Variants in DNAH9 observed in about 807,000 individuals in gnomAD.
DNAH9 encodes DNAH9 variant protein.
A neutral mutation model predicts 471.6 loss-of-function variants in DNAH9; 345 were observed. The observed-to-expected ratio is 0.73, with a 90% confidence interval of 0.67 to 0.80. DNAH9 has a LOEUF of 0.80. DNAH9 is among the 30% of genes least tolerant of loss of function. DNAH9 has a pLI of 0.00. For missense variants in DNAH9, 5,407 were observed against 5,609.2 expected (o/e 0.96, Z 1.15); for synonymous variants, 2,093 against 2,123.6 (o/e 0.99, Z 0.40).
At position 11,797,636 on chromosome 17, in the gene DNAH9, C is replaced by T; in HGVS notation, c.8263C>T (p.Leu2755=). The part of the protein sequence containing the change: ...DPVEQTQSPN[L]YCHFANGIGE... Reference sequence around the variant, plus strand: ...TGTGGAGCAGACCCAAAGCCCGAACCTGTATTGTCACTTTGCAAATGGTAT... The same window carrying T: ...TGTGGAGCAGACCCAAAGCCCGAACTTGTATTGTCACTTTGCAAATGGTAT... The change falls in exon 43 of 69, where the codon CTG becomes TTG. Residue 2755 remains leucine (L), a synonymous_variant. Coordinates refer to ENST00000262442, the MANE Select transcript of DNAH9 (RefSeq NM_001372.4). The T allele has an allele frequency of 6.2e-7, 1 of 1,614,040 alleles. No homozygotes were observed. The highest frequency in any genetic ancestry group is 8.5e-7 in the Non-Finnish European group (1 of 1,179,992).
chr17:11,727,763 A>T (rs2075180994), intron 27 of DNAH9, 55 bp from the exon 28 acceptor site: 2 of 1,198,822 alleles, frequency 1.7e-6, no homozygotes, highest in Admixed American at 3.4e-5. Flanking sequence ...TGGCTTCAAC[A>T]TGTATTGATA....
intron 63 of DNAH9, among the ~76,000 whole-genome samples, chr17:11,930,354 C>G (rs1974467790): frequency 6.6e-6 from 1 of 152,108 alleles, no homozygotes; most frequent in African/African-American, 2.4e-5. Flanking sequence ...TTTACTGTTA[C>G]CTAATATTCC....
At chr17:11,891,224 T>A (rs1169433793) in intron 57 of DNAH9, among the ~76,000 whole-genome samples, 1 of 152,210 alleles carries the variant, frequency 6.6e-6, no homozygotes, top group Non-Finnish European at 1.5e-5. Context: ...TTGCAAGGAC[T>A]CGTCTTATCA....
In DNAH9 at chr17:11,605,976, A is replaced by T. The variant is rs577190592; in HGVS notation, c.418-2153A>T. ...AGATCCTGGAGAGAACTCTGACTAT[A>T]TAAAAATTAAATAAGATAGAGTCCC... On this transcript the variant is annotated intron_variant, in intron 1 of 68. Transcript: ENST00000262442. 2.7e-4 allele frequency among the ~76,000 whole-genome samples: 40 copies of T among 149,500 alleles called. 1 individual carries two copies. The highest frequency in any genetic ancestry group is 9.3e-4 in the African/African-American group (38 of 40,990).
Position 11,623,034 on chromosome 17 carries a change from C to T in DNAH9, c.1350+3253C>T, listed in dbSNP as rs999440041. On this transcript the variant is annotated intron_variant, in intron 6 of 68. Transcript: ENST00000262442. This position sits in a 1 kb window ranked among gnomAD's most constrained non-coding sequence, Gnocchi z 4.1. ...TGTTGCCCAGGCTGGAGTGCAGTGG[C>T]ACAATCTCGGCTCACGACAACCTCT... is the stretch of plus-strand genomic sequence containing the variant. 4.8e-5 allele frequency among the ~76,000 whole-genome samples: 7 copies of T among 146,442 alleles called. No individual in the cohort carries two copies. The highest frequency in any genetic ancestry group is 1.0e-4 in the Non-Finnish European group (7 of 67,252).
intron 27 of DNAH9, among the ~76,000 whole-genome samples, chr17:11,726,137 C>T (rs1054147895): frequency 2.6e-5 from 4 of 152,048 alleles, no homozygotes; most frequent in Non-Finnish European, 5.9e-5. Context: ...AAGCCTTACC[C>T]CTTCCATTCT....
intron 22 of DNAH9, among the ~76,000 whole-genome samples, 165 bp downstream of exon 22, chr17:11,694,612 T>TGC (rs1358185053): frequency 0.29 from 3,008 of 10,342 alleles, 878 homozygotes; most frequent in Non-Finnish European, 0.56. Flanking sequence ...CTTTCTTGCT[T>TGC]TCTTGCTTTC....
intron 52 of DNAH9, among the ~76,000 whole-genome samples, chr17:11,874,364 A>G (rs1972393548): frequency 6.6e-6 from 1 of 152,170 alleles, no homozygotes; most frequent in African/African-American, 2.4e-5. Flanking sequence ...AAGTTCTCAG[A>G]CTGATAAATA....
At chr17:11,812,686 C>T (rs1369313125) in intron 45 of DNAH9, among the ~76,000 whole-genome samples, 2 of 152,078 alleles carry the variant, frequency 1.3e-5, no homozygotes, top group Non-Finnish European at 2.9e-5. Flanking sequence ...ACCCTCATTC[C>T]CTTCCCTCCC....
At chr17:11,743,976 C>A (rs1453619220) in intron 30 of DNAH9, among the ~76,000 whole-genome samples, 1 of 151,880 alleles carries the variant, frequency 6.6e-6, no homozygotes, top group Non-Finnish European at 1.5e-5. Context: ...ATAACAGGCA[C>A]CCACCACCAA....
At chr17:11,613,162 A>G (rs1228052340) in intron 4 of DNAH9, among the ~76,000 whole-genome samples, 1 of 152,216 alleles carries the variant, frequency 6.6e-6, no homozygotes, top group Non-Finnish European at 1.5e-5. Context: ...GCTTGGGACC[A>G]AGTGTCTCTT....
rs140395355 is a variant in DNAH9, at chr17:11,752,853, C to T, written c.6631C>T (p.Arg2211Trp). 1.1e-5 allele frequency: 18 copies of T among 1,600,540 alleles called. No individual in the cohort carries two copies. The highest frequency in any genetic ancestry group is 9.0e-5 in the East Asian group (4 of 44,664). The change falls in exon 33 of 69, where the codon CGG (arginine) becomes TGG (tryptophan). Residue 2211 changes from arginine to tryptophan, a missense_variant. By Grantham distance (101) the Arg-to-Trp change is moderately radical. This residue lies in a region of DNAH9 where 4,636 missense variants were observed against 4,900.3 expected (regional missense o/e 0.95). Coordinates refer to ENST00000262442, the MANE Select transcript of DNAH9 (RefSeq NM_001372.4). ...TTTAGGATTGTTCTCTTCCATCATGCGGGAGCTTGCCAACATCACCCATGA... is the reference window on the plus strand; with the variant it reads ...TTTAGGATTGTTCTCTTCCATCATGTGGGAGCTTGCCAACATCACCCATGA... The part of the protein sequence containing the change: ...WKDGLFSSIM[R>W]ELANITHDGP...
At chr17:11,955,236 A>G (rs1308835609) in intron 67 of DNAH9, among the ~76,000 whole-genome samples, 1 of 152,078 alleles carries the variant, frequency 6.6e-6, no homozygotes, top group Non-Finnish European at 1.5e-5. Context: ...TACATTGTCT[A>G]TGGCTATTTT....
At chr17:11,641,433 C>T (rs1193717822) in intron 10 of DNAH9, among the ~76,000 whole-genome samples, 4 of 152,068 alleles carry the variant, frequency 2.6e-5, no homozygotes, top group Non-Finnish European at 5.9e-5. Flanking sequence ...GTCTGCCCAG[C>T]GGGTGACCCA....
chr17:11,679,744 T>G lies in DNAH9; in HGVS notation c.3354-13T>G. The G allele has an allele frequency of 6.4e-7, 1 of 1,567,892 alleles. No individual in the cohort carries two copies. The highest frequency in any genetic ancestry group is 8.8e-7 in the Non-Finnish European group (1 of 1,137,842). On this transcript the variant is annotated splice_polypyrimidine_tract_variant and intron_variant, in intron 17 of 68. Transcript: ENST00000262442. Reference sequence around the variant, plus strand: ...ACGAGAATGGTTCCTCATGTTCTGTTTGTGTTGATTAGCTTGGCCAACCTG... The same window carrying G: ...ACGAGAATGGTTCCTCATGTTCTGTGTGTGTTGATTAGCTTGGCCAACCTG...
chr17:11,771,669 C>T (rs981346705), intron 38 of DNAH9, among the ~76,000 whole-genome samples: 2 of 152,110 alleles, frequency 1.3e-5, no homozygotes, highest in Admixed American at 1.3e-4. Flanking sequence ...TCATAGAATT[C>T]CTCTTTCTTG....
rs779641486 is a variant in DNAH9, at chr17:11,869,121, C to T, written c.9934-13C>T. 5.6e-6 allele frequency: 9 copies of T among 1,612,364 alleles called. 1 individual carries two copies. In the Admixed American group the frequency reaches 6.7e-5, roughly 12 times the overall value. ...CGAAATGACTGATGGTCCTTGTATT[C>T]CTTCCTAAACAGCACCTTAATGAAA... On this transcript the variant is annotated splice_polypyrimidine_tract_variant and intron_variant, in intron 50 of 68. Coordinates refer to ENST00000262442, the MANE Select transcript of DNAH9 (RefSeq NM_001372.4).
intron 62 of DNAH9, among the ~76,000 whole-genome samples, chr17:11,929,043 T>A (rs944836620): frequency 6.8e-6 from 1 of 147,964 alleles, no homozygotes; most frequent in East Asian, 2.0e-4. Flanking sequence ...TTTTTTTTTT[T>A]TTTTTATTTG....
Position 11,679,794 on chromosome 17 carries a change from A to G in DNAH9, c.3391A>G (p.Ser1131Gly), listed in dbSNP as rs2074103075. The G allele has an allele frequency of 6.2e-7, 1 of 1,613,990 alleles. No individual in the cohort carries two copies. Among genetic ancestry groups the G allele is most frequent in the South Asian group, 1.1e-5 (1 of 91,076 alleles). Residue 1131 changes from serine to glycine, a missense_variant, in exon 18 of 69, where the codon AGC (serine) becomes GGC (glycine). Coordinates refer to ENST00000262442, the MANE Select transcript of DNAH9 (RefSeq NM_001372.4). Reference sequence around the variant, plus strand: ...GGATGCGTTTATAAAGAAGAGTGAGAGCGGCTTACTCAAGAAAGTTGAAAA... The same window carrying G: ...GGATGCGTTTATAAAGAAGAGTGAGGGCGGCTTACTCAAGAAAGTTGAAAA... ...NLDAFIKKSE[S>G]GLLKKVEKGD...
Sources: allele counts gnomAD v4.1 joint callset (sites outside exome capture counted in the v4.1 genomes callset), GRCh38; gene constraint gnomAD v4.1.1; regional missense constraint gnomAD v4.1.1; non-coding constraint Gnocchi (gnomAD v3.1); transcripts MANE v1.5; gene names NCBI Gene and HGNC (gene_info 2026-07-23, HGNC 2026-07-21).